ZSWIM6: variants seen among roughly 807,000 people sequenced by gnomAD.
The protein encoded by ZSWIM6 is zinc finger SWIM-type containing 6, also known as zinc finger SWIM domain-containing protein 6.
ZSWIM6 carries 9 observed loss-of-function variants against 113.2 expected under a neutral mutation model. The observed-to-expected ratio is 0.08, with a 90% confidence interval of 0.05 to 0.14. The LOEUF is 0.14. ZSWIM6 is among the 10% of genes least tolerant of loss of function. ZSWIM6 has a pLI of 1.00. For synonymous variants in ZSWIM6, 611 were observed against 606.5 expected, an observed-to-expected ratio of 1.01 and a Z score of -0.11; for missense variants, 1,162 against 1,552.2, an observed-to-expected ratio of 0.75 and a Z score of 4.22.
At chr5:61,390,673 C>G in intron 1 of ZSWIM6, 1 of 837,900 alleles carries the variant, frequency 1.2e-6, no homozygotes, top group South Asian at 1.3e-5. Flanking sequence ...TGGCATTAAG[C>G]TCCTTCTTCC....
intron 3 of ZSWIM6, among the ~76,000 whole-genome samples, chr5:61,492,627 C>T (rs1748211827): frequency 6.6e-6 from 1 of 152,130 alleles, no homozygotes; most frequent in South Asian, 2.1e-4. Context: ...TTTTCTTCCT[C>T]CATCTTCACC....
chr5:61,391,110 A>T, intron 1 of ZSWIM6: 1 of 751,608 alleles, frequency 1.3e-6, no homozygotes, highest in Non-Finnish European at 2.5e-6. Flanking sequence ...GCTGTGTCCC[A>T]GTACAGGCCA....
chr5:61,380,826 C>T (rs971947750), intron 1 of ZSWIM6, among the ~76,000 whole-genome samples: 1 of 151,900 alleles, frequency 6.6e-6, no homozygotes, highest in Admixed American at 6.6e-5. Flanking sequence ...ATGGGCCGGG[C>T]GAGGTGGCTC....
intron 1 of ZSWIM6, among the ~76,000 whole-genome samples, chr5:61,421,801 G>C (rs1345551298): frequency 3.9e-5 from 6 of 152,214 alleles, no homozygotes. Context: ...TCCTGTAAAA[G>C]ACATGAAGTT....
chr5:61,544,433 T>C lies in ZSWIM6; in HGVS notation c.*116T>C. The C allele has an allele frequency of 1.6e-6, 1 of 616,448 alleles. No individual in the cohort carries two copies. The highest frequency in any genetic ancestry group is 2.8e-6 in the Non-Finnish European group (1 of 361,716). The allele number at this position is 616,448 out of a possible 1,614,324, so 38.2% of individuals were successfully genotyped here. On this transcript the variant is annotated 3_prime_UTR_variant, in exon 14 of 14. Coordinates refer to ENST00000252744, the MANE Select transcript of ZSWIM6 (RefSeq NM_020928.2). ...AACAGAGCCACACCGGTATTATATG[T>C]GTATAGTTATATTGCGTTTGCAGAC...
At chr5:61,467,957 A>G (rs997250062) in intron 1 of ZSWIM6, among the ~76,000 whole-genome samples, 2 of 152,200 alleles carry the variant, frequency 1.3e-5, no homozygotes, top group African/African-American at 4.8e-5. Context: ...AGAAAAAGAA[A>G]GTGTTATGGG....
intron 1 of ZSWIM6, among the ~76,000 whole-genome samples, chr5:61,366,257 A>G (rs142529015): frequency 6.6e-6 from 1 of 152,278 alleles, no homozygotes; most frequent in East Asian, 1.9e-4. Flanking sequence ...GTTTTTATGC[A>G]TTTTTTGAGC....
intron 1 of ZSWIM6, among the ~76,000 whole-genome samples, chr5:61,410,572 T>G (rs1230504095): frequency 6.6e-6 from 1 of 152,028 alleles, no homozygotes; most frequent in Non-Finnish European, 1.5e-5. Context: ...CCTCCCAGAG[T>G]GCTGGGATTA....
intron 1 of ZSWIM6, among the ~76,000 whole-genome samples, chr5:61,414,207 A>G (rs1746199480): frequency 6.6e-6 from 1 of 152,128 alleles, no homozygotes; most frequent in African/African-American, 2.4e-5. Flanking sequence ...TAGTTGTAAT[A>G]GTTCAGTATT....
chr5:61,511,478 A>C (rs530277096), intron 4 of ZSWIM6, among the ~76,000 whole-genome samples: 1 of 152,164 alleles, frequency 6.6e-6, no homozygotes, highest in South Asian at 2.1e-4. Flanking sequence ...CAAATTTTTT[A>C]TGTTGAAATT....
intron 13 of ZSWIM6, among the ~76,000 whole-genome samples, chr5:61,542,893 T>C (rs1749779469): frequency 6.6e-6 from 1 of 152,194 alleles, no homozygotes; most frequent in Admixed American, 6.5e-5. Context: ...GTGAGGGATA[T>C]TGGGTCTGTG....
chr5:61,523,768 G>A (rs749481337), intron 5 of ZSWIM6, among the ~76,000 whole-genome samples: 6 of 152,080 alleles, frequency 3.9e-5, no homozygotes, highest in Non-Finnish European at 7.4e-5. Context: ...ATTATTACAG[G>A]ACTTGTCATT....
intron 2 of ZSWIM6, among the ~76,000 whole-genome samples, chr5:61,474,967 AAAC>A (rs1156903567): frequency 1.3e-5 from 2 of 152,172 alleles, no homozygotes; most frequent in African/African-American, 4.8e-5. Context: ...ACAGGAGTGT[AAAC>A]AACGCTGCCA....
intron 4 of ZSWIM6, among the ~76,000 whole-genome samples, chr5:61,504,921 A>G (rs1748559635): frequency 6.6e-6 from 1 of 152,210 alleles, no homozygotes; most frequent in Admixed American, 6.5e-5. Flanking sequence ...AAATAAATGG[A>G]AAATAAAAAG....
chr5:61,349,944 T>C (rs532382276), intron 1 of ZSWIM6, among the ~76,000 whole-genome samples: 341 of 152,328 alleles, frequency 2.2e-3, no homozygotes, highest in African/African-American at 7.9e-3. Context: ...CACAAGATCT[T>C]ACACATTGTG....
intron 1 of ZSWIM6, among the ~76,000 whole-genome samples, chr5:61,394,204 G>A (rs1426771566): frequency 6.6e-6 from 1 of 152,242 alleles, no homozygotes; most frequent in Non-Finnish European, 1.5e-5. Context: ...CCTTTAGGTT[G>A]CACCAGTACT....
intron 9 of ZSWIM6, 115 bp downstream of exon 9, chr5:61,531,840 A>G (rs144670964): frequency 1.7e-6 from 2 of 1,180,616 alleles, no homozygotes; most frequent in Non-Finnish European, 2.4e-6. Flanking sequence ...CCTGATTGCT[A>G]TAGTCATGGG....
chr5:61,525,949 G>A lies in ZSWIM6; in HGVS notation c.1663G>A (p.Asp555Asn), dbSNP rs377616431. Residue 555 changes from aspartate to asparagine, a missense_variant, in exon 6 of 14, where the codon GAC (aspartate) becomes AAC (asparagine). Physicochemically the swap from Asp to Asn is conservative, Grantham distance 23 (BLOSUM62 1). Around this residue, in one of 4 missense-constraint regions of ZSWIM6, gnomAD observed 620 missense variants for 804.6 expected, o/e 0.77. Transcript: ENST00000252744. Reference protein sequence around the residue: ...YHDDTENSLFDSRGWPLWHEH... With the variant: ...YHDDTENSLFNSRGWPLWHEH... ...TGACGACACTGAAAACTCCCTCTTC[G>A]ACTCCCGCGGGTGGCCCCTCTGGCA... 3.9e-6 allele frequency: 6 copies of A among 1,551,946 alleles called. No individual in the cohort carries two copies. Among genetic ancestry groups the A allele is most frequent in the Non-Finnish European group, 5.2e-6 (6 of 1,147,046 alleles).
chr5:61,523,484 A>G (rs1397273337), intron 5 of ZSWIM6, among the ~76,000 whole-genome samples: 1 of 152,230 alleles, frequency 6.6e-6, no homozygotes, highest in Non-Finnish European at 1.5e-5. Context: ...GAACAAAAAT[A>G]TCTCCTTTTT....
Sources: gnomAD v4.1 joint callset for allele counts (sites outside exome capture counted in the v4.1 genomes callset) on GRCh38, gnomAD v4.1.1 for gene constraint, gnomAD v4.1.1 regional missense constraint, MANE v1.5 for transcripts, NCBI Gene and HGNC (gene_info 2026-07-23, HGNC 2026-07-21) for gene names.